Variants in GSAP observed in about 807,000 individuals in gnomAD.
The protein encoded by GSAP is gamma-secretase-activating protein.
GSAP carries 118 observed loss-of-function variants against 131.7 expected under a neutral mutation model. The observed-to-expected ratio is 0.90, with a 90% CI of 0.77 to 1.04. The LOEUF (loss-of-function observed/expected upper bound fraction) is 1.04, where lower values mean the gene tolerates loss of function less well. Among genes scored for constraint, GSAP ranks in the 50% least tolerant of loss-of-function variants. The pLI is 0.00. For missense variants in GSAP, 1,019 were observed against 1,013.2 expected (o/e 1.01, Z -0.08); for synonymous variants, 381 against 363.4 (o/e 1.05, Z -0.55).
chr7:77,373,420 A>G (rs1305961496), intron 12 of GSAP, among the ~76,000 whole-genome samples: 6 of 152,360 alleles, frequency 3.9e-5, no homozygotes, highest in African/African-American at 1.2e-4. Flanking sequence ...CAAGTAGTAA[A>G]TGTCCATTAA....
At chr7:77,322,820 T>C (rs553811723) in intron 24 of GSAP, among the ~76,000 whole-genome samples, 3 of 152,246 alleles carry the variant, frequency 2.0e-5, no homozygotes, top group African/African-American at 7.2e-5. Flanking sequence ...ACAACACTAA[T>C]GGCTGCAATA....
chr7:77,413,865 CTTTCT>C (rs1803778731), intron 1 of GSAP, among the ~76,000 whole-genome samples: 1 of 141,604 alleles, frequency 7.1e-6, no homozygotes, highest in African/African-American at 2.7e-5. Flanking sequence ...TGGTTTTTTT[CTTTCT>C]TTTATCATTT....
At chr7:77,339,440 C>A (rs148608435) in intron 19 of GSAP, among the ~76,000 whole-genome samples, 33 of 152,238 alleles carry the variant, frequency 2.2e-4, no homozygotes, top group African/African-American at 7.9e-4. Context: ...CCCAGCAATA[C>A]ACCTCTGCCT....
At chr7:77,412,745 C>CATTAATTA (rs1803498039) in intron 1 of GSAP, among the ~76,000 whole-genome samples, 2 of 122,202 alleles carry the variant, frequency 1.6e-5, no homozygotes, top group Non-Finnish European at 3.4e-5. Context: ...AACCTCGGAG[C>CATTAATTA]ACAATGAAAT....
Position 77,374,096 on chromosome 7 carries a change from G to T in GSAP, c.845C>A (p.Thr282Asn). The change falls in exon 12 of 31, where the codon ACT becomes AAT. Residue 282 changes from threonine to asparagine, a missense_variant. Coordinates refer to ENST00000257626, the MANE Select transcript of GSAP (RefSeq NM_017439.4). The part of the protein sequence containing the change: ...QYRDKFSKHL[T>N]LCVFTNHTGS... ...TGTATGGTTGGTAAAAACACACAGA[G>T]TCAGGTGTTTGGAAAATTTATCTCG... is the stretch of plus-strand genomic sequence containing the variant. The T allele has an allele frequency of 6.3e-7, 1 of 1,584,154 alleles. No individual in the cohort carries two copies. Among genetic ancestry groups the T allele is most frequent in the Non-Finnish European group, 8.7e-7 (1 of 1,155,330 alleles).
chr7:77,358,906 G>T (rs531955072), intron 14 of GSAP, among the ~76,000 whole-genome samples: 1 of 152,304 alleles, frequency 6.6e-6, no homozygotes, highest in South Asian at 2.1e-4. Flanking sequence ...CTATTAATAG[G>T]CTAGGCACAG....
intron 5 of GSAP, among the ~76,000 whole-genome samples, chr7:77,394,520 T>C (rs534128200): frequency 1.3e-5 from 2 of 152,248 alleles, no homozygotes; most frequent in Admixed American, 6.5e-5. Context: ...GGCACAGTTA[T>C]GGGGAAATTC....
chr7:77,364,438 C>T (rs1223683894), intron 12 of GSAP, among the ~76,000 whole-genome samples: 5 of 146,832 alleles, frequency 3.4e-5, no homozygotes, highest in Middle Eastern at 3.5e-3. Context: ...AACCAAACAC[C>T]GCATATTCTC....
At chr7:77,378,567 T>C (rs181154015) in intron 8 of GSAP, among the ~76,000 whole-genome samples, 14 of 149,112 alleles carry the variant, frequency 9.4e-5, no homozygotes, top group Non-Finnish European at 6.0e-5. Flanking sequence ...CAAGAGTAAA[T>C]TTGAAATATT....
intron 1 of GSAP, among the ~76,000 whole-genome samples, chr7:77,415,227 A>G (rs988943135): frequency 8.5e-5 from 13 of 152,214 alleles, no homozygotes; most frequent in Admixed American, 8.5e-4. Context: ...CAAGATAGCA[A>G]CTTGATATAT....
intron 22 of GSAP, among the ~76,000 whole-genome samples, chr7:77,327,637 C>T (rs115462415): frequency 0.011 from 1,690 of 152,260 alleles, 29 homozygotes; most frequent in African/African-American, 0.039. Flanking sequence ...AAAACAAAAG[C>T]TTATTTAATG....
intron 8 of GSAP, 31 bp from the exon 9 acceptor site, chr7:77,377,421 A>T: frequency 9.2e-7 from 1 of 1,082,506 alleles, no homozygotes; most frequent in South Asian, 1.6e-5. Flanking sequence ...AAAAAAAAAA[A>T]AGTATGAATA....
At chr7:77,392,685 G>A (rs1799777420) in intron 5 of GSAP, among the ~76,000 whole-genome samples, 1 of 152,188 alleles carries the variant, frequency 6.6e-6, no homozygotes, top group East Asian at 1.9e-4. Flanking sequence ...GAACGGAGGT[G>A]AGCAAAAGAC....
chr7:77,355,176 C>A, intron 16 of GSAP, 37 bp downstream of exon 16: 1 of 1,290,104 alleles, frequency 7.8e-7, no homozygotes, highest in South Asian at 1.2e-5. Flanking sequence ...TCAGTGTCGT[C>A]TATCTGCCCA....
In GSAP at chr7:77,330,287, A is replaced by G. The variant is rs921067973; in HGVS notation, c.1626T>C (p.Tyr542=). 3 of 1,613,892 alleles carry G rather than the reference A, an allele frequency of 1.9e-6. No individual in the cohort carries two copies. In the African/African-American group the frequency reaches 4.0e-5, roughly 22 times the overall value. Residue 542 remains tyrosine, a synonymous_variant, in exon 20 of 31, where the codon TAT becomes TAC. Coordinates refer to ENST00000257626, the MANE Select transcript of GSAP (RefSeq NM_017439.4). ...YVKYAKPHFH[Y]NNSVVRREWH... The stretch of plus-strand genomic sequence containing the variant: ...ACTCTCTCCTGACCACACTGTTGTT[A>G]TAGTGGAAGTGTGGCTTGGCGTACT...
At chr7:77,365,709 T>G (rs1795188647) in intron 12 of GSAP, among the ~76,000 whole-genome samples, 1 of 152,138 alleles carries the variant, frequency 6.6e-6, no homozygotes, top group East Asian at 1.9e-4. Context: ...TACGTATATC[T>G]TTATGGTAGA....
chr7:77,355,554 C>A lies in GSAP; in HGVS notation c.1120+1G>T, dbSNP rs1169943209. 1 of 1,601,380 alleles carries A rather than the reference C, an allele frequency of 6.2e-7. No individual in the cohort carries two copies. Among genetic ancestry groups the A allele is most frequent in the South Asian group, 1.1e-5 (1 of 90,716 alleles). On this transcript the variant is annotated splice_donor_variant, in intron 15 of 30. Transcript: ENST00000257626. LOFTEE classifies it high-confidence loss of function. Reference sequence around the variant, plus strand: ...CTACAAGAGAAAAACTATAGCCGTACCTGTCAGAAAGAGATTGTGGCAGAT... The same window carrying A: ...CTACAAGAGAAAAACTATAGCCGTAACTGTCAGAAAGAGATTGTGGCAGAT...
intron 19 of GSAP, among the ~76,000 whole-genome samples, chr7:77,343,522 A>G (rs1462781959): frequency 6.6e-6 from 1 of 152,158 alleles, no homozygotes; most frequent in African/African-American, 2.4e-5. Context: ...AGGCCACTTT[A>G]CTTCCAAAGG....
At chr7:77,379,473 T>C (rs1797468451) in intron 8 of GSAP, among the ~76,000 whole-genome samples, 1 of 152,068 alleles carries the variant, frequency 6.6e-6, no homozygotes, top group Admixed American at 6.5e-5. Flanking sequence ...AGAACACATG[T>C]GAATTAAGGA....
Sources: gnomAD v4.1 joint callset for allele counts (sites outside exome capture counted in the v4.1 genomes callset) on GRCh38, gnomAD v4.1.1 for gene constraint, MANE v1.5 for transcripts, NCBI Gene and HGNC (gene_info 2026-07-23, HGNC 2026-07-21) for gene names.